Variants in DOP1B observed in about 807,000 individuals in gnomAD.
DOP1B encodes DOP1 leucine zipper like protein B.
DOP1B carries 174 observed loss-of-function variants against 233.5 expected under a neutral mutation model. The ratio of observed to expected loss-of-function variants is 0.75; its 90% CI spans 0.66 to 0.85. DOP1B has a LOEUF of 0.85. DOP1B is among the 40% of genes least tolerant of loss of function. The pLI, the probability that DOP1B is intolerant of heterozygous loss-of-function variation, is 0.00. For missense variants in DOP1B, 2,652 were observed against 2,846.6 expected (o/e 0.93, Z 1.56); for synonymous variants, 1,190 against 1,185.6 (o/e 1.00, Z -0.08).
At chr21:36,258,999 G>T (rs1403174654) in intron 23 of DOP1B, among the ~76,000 whole-genome samples, 1 of 128,728 alleles carries the variant, frequency 7.8e-6, no homozygotes. Flanking sequence ...TTTTTGAGAC[G>T]AAGTCTTGCT....
intron 10 of DOP1B, among the ~76,000 whole-genome samples, chr21:36,221,730 C>T (rs1301704732): frequency 2.0e-5 from 3 of 151,978 alleles, no homozygotes; most frequent in Non-Finnish European, 2.9e-5. Context: ...CACCTGCCAC[C>T]ACTCCTGGCT....
At position 36,173,978 on chromosome 21, in the gene DOP1B, C is replaced by T. The variant is rs113596566; in HGVS notation, c.138+9107C>T. Among the ~76,000 whole-genome samples the T allele has an allele frequency of 8.6e-3, 1,311 of 152,032 alleles. 13 individuals carry two copies. Among genetic ancestry groups the T allele is most frequent in the Non-Finnish European group, 0.014 (919 of 67,992 alleles). Reference sequence around the variant, plus strand: ...TACGGTTTCACAGAGCAGCCATGAACAGGAAGGGCAGCATGAGGTCTGTGG... The same window carrying T: ...TACGGTTTCACAGAGCAGCCATGAATAGGAAGGGCAGCATGAGGTCTGTGG... On this transcript the variant is annotated intron_variant, in intron 2 of 36. Transcript: ENST00000691173.
chr21:36,170,925 C>T (rs1454830287), intron 2 of DOP1B, among the ~76,000 whole-genome samples: 11 of 152,148 alleles, frequency 7.2e-5, no homozygotes. Flanking sequence ...GTTTAAGCAG[C>T]CACCTTGAAG....
chr21:36,218,368 T>C (rs1304967125), intron 9 of DOP1B, among the ~76,000 whole-genome samples: 2 of 151,794 alleles, frequency 1.3e-5, no homozygotes, highest in East Asian at 1.9e-4. Context: ...ACTAAAAATA[T>C]AAAAATTAGC....
At position 36,294,083 on chromosome 21, in the gene DOP1B, T is replaced by A. The variant is rs1311915235; in HGVS notation, c.*512T>A. The A allele has an allele frequency of 6.5e-6, 1 of 153,894 alleles. No individual in the cohort carries two copies. The highest frequency in any genetic ancestry group is 1.5e-5 in the Non-Finnish European group (1 of 68,882). 9.5% of individuals were successfully genotyped at this position (153,894 alleles called of 1,614,324 possible). A position where few individuals can be genotyped will look rare whatever the true frequency, so the allele number is the denominator to read the frequency against. On this transcript the variant is annotated 3_prime_UTR_variant, in exon 37 of 37. Coordinates refer to ENST00000691173, the MANE Select transcript of DOP1B (RefSeq NM_001320714.2). ...TTGAATCTGATTCTGCATTTCTTCC[T>A]CAATTTATGTAATGAAAATAAAATT...
intron 5 of DOP1B, 116 bp from the exon 6 acceptor site, chr21:36,211,437 G>T (rs1188107801): frequency 2.2e-6 from 2 of 904,018 alleles, no homozygotes; most frequent in African/African-American, 1.7e-5. Flanking sequence ...TGTGGCTGCT[G>T]GTTCTCTTCT....
In DOP1B at chr21:36,230,531, C is replaced by T. The variant is rs757851386; in HGVS notation, c.1747C>T (p.Pro583Ser). The change falls in exon 14 of 37, where the codon CCT (proline) becomes TCT (serine). Residue 583 changes from proline (P) to serine (S), a missense_variant. Physicochemically the swap from Pro to Ser is moderately conservative, Grantham distance 74. This residue lies in a region of DOP1B where 2,617 missense variants were observed against 2,794.3 expected (regional missense o/e 0.94). Coordinates refer to ENST00000691173, the MANE Select transcript of DOP1B (RefSeq NM_001320714.2). ...IPGDEDASFP[P>S]LKSEDSGIGL... ...CGGTGACGAAGATGCTTCGTTTCCC[C>T]CTCTGAAGTCTGAGGACAGTGGGAT... is the stretch of plus-strand genomic sequence containing the variant. 1.2e-6 allele frequency: 2 copies of T among 1,614,140 alleles called. No individual in the cohort carries two copies. The highest frequency in any genetic ancestry group is 1.7e-5 in the Admixed American group (1 of 60,014).
intron 10 of DOP1B, among the ~76,000 whole-genome samples, chr21:36,222,935 A>AT (rs2123522166): frequency 6.6e-6 from 1 of 152,146 alleles, no homozygotes; most frequent in Non-Finnish European, 1.5e-5. Flanking sequence ...GGGTTTCACC[A>AT]TGTTGGTCAA....
intron 9 of DOP1B, among the ~76,000 whole-genome samples, chr21:36,219,011 G>A (rs1165995929): frequency 6.6e-6 from 1 of 152,184 alleles, no homozygotes; most frequent in Non-Finnish European, 1.5e-5. Context: ...CCTCTATCTA[G>A]CAGAATCTGC....
intron 2 of DOP1B, among the ~76,000 whole-genome samples, chr21:36,176,103 T>TGTGTGCGTGTGC (rs1555886162): frequency 7.0e-6 from 1 of 141,920 alleles, no homozygotes; most frequent in African/African-American, 2.5e-5. Flanking sequence ...TGTGCGTGTG[T>TGTGTGCGTGTGC]GTGTGTGTGT....
chr21:36,230,604 C>A lies in DOP1B; in HGVS notation c.1820C>A (p.Pro607His). 1 of 1,614,214 alleles carries A rather than the reference C, an allele frequency of 6.2e-7. No homozygotes were observed. The highest frequency in any genetic ancestry group is 8.5e-7 in the Non-Finnish European group (1 of 1,180,040). ...GAGCTCTCTGAGCACTTGAGGGTTC[C>A]TCGAGTTTCTCTGGAAAGGGACGAC... The part of the protein sequence containing the change: ...SPELSEHLRV[P>H]RVSLERDDVW... The change falls in exon 14 of 37, where the codon CCT becomes CAT. Residue 607 changes from proline to histidine, a missense_variant. Physicochemically the swap from Pro to His is moderately conservative, Grantham distance 77. This residue lies in a region of DOP1B where 2,617 missense variants were observed against 2,794.3 expected (regional missense o/e 0.94). Transcript: ENST00000691173.
chr21:36,259,283 T>C (rs2123631321), intron 23 of DOP1B, among the ~76,000 whole-genome samples: 1 of 150,722 alleles, frequency 6.6e-6, no homozygotes, highest in South Asian at 2.1e-4. Flanking sequence ...TTTTTTCTTT[T>C]TTTTTGAGAT....
At chr21:36,208,976 G>A in intron 5 of DOP1B, 72 bp downstream of exon 5, 1 of 1,401,190 alleles carries the variant, frequency 7.1e-7, no homozygotes, top group South Asian at 1.6e-5. Context: ...TGGGCAGGTT[G>A]TCACTGAAGC....
intron 23 of DOP1B, among the ~76,000 whole-genome samples, chr21:36,257,334 T>C (rs938811168): frequency 1.3e-5 from 2 of 152,136 alleles, no homozygotes; most frequent in Non-Finnish European, 2.9e-5. Context: ...TGTCGAAGTG[T>C]GATTGGACAA....
chr21:36,212,037 A>C lies in DOP1B; in HGVS notation c.844A>C (p.Thr282Pro). The change falls in exon 7 of 37, where the codon ACC becomes CCC. Residue 282 changes from threonine (T) to proline (P), a missense_variant. Thr to Pro is a conservative substitution (Grantham distance 38, BLOSUM62 -1). Around this residue, in one of 3 missense-constraint regions of DOP1B, gnomAD observed 2,617 missense variants for 2,794.3 expected, o/e 0.94. Coordinates refer to ENST00000691173, the MANE Select transcript of DOP1B (RefSeq NM_001320714.2). ...CATCGTGCGCATTCTCTCAGCCGCC[A>C]CCCAGACCCTACTGAGAAGGGACAT... ...SDIVRILSAA[T>P]QTLLRRDMSL... The C allele has an allele frequency of 6.2e-7, 1 of 1,613,980 alleles. No individual in the cohort carries two copies. The highest frequency in any genetic ancestry group is 2.2e-5 in the East Asian group (1 of 44,874).
At chr21:36,218,590 CTCAG>C (rs2066587446) in intron 9 of DOP1B, among the ~76,000 whole-genome samples, 1 of 152,134 alleles carries the variant, frequency 6.6e-6, no homozygotes, top group Non-Finnish European at 1.5e-5. Flanking sequence ...AAATAATTCT[CTCAG>C]AGGCACATCT....
At position 36,227,253 on chromosome 21, in the gene DOP1B, G is replaced by A. The variant is rs1276194729; in HGVS notation, c.1474-433G>A. The stretch of plus-strand genomic sequence containing the variant: ...AAATAAAATAAAATAAAATAAAAAA[G>A]AAAATTAATGTGGGTCAGGCACGGT... On this transcript the variant is annotated intron_variant, in intron 12 of 36. Coordinates refer to ENST00000691173, the MANE Select transcript of DOP1B (RefSeq NM_001320714.2). Among the ~76,000 whole-genome samples the A allele has an allele frequency of 2.7e-5, 4 of 147,454 alleles. No homozygotes were observed. In the Admixed American group the frequency reaches 2.7e-4, roughly 10 times the overall value.
chr21:36,202,436 T>TA (rs2066379312), intron 4 of DOP1B, among the ~76,000 whole-genome samples: 1 of 152,160 alleles, frequency 6.6e-6, no homozygotes, highest in Non-Finnish European at 1.5e-5. Flanking sequence ...CTGGAGGCCC[T>TA]AGTCAGGTCA....
At chr21:36,170,785 G>A (rs1601378661) in intron 2 of DOP1B, among the ~76,000 whole-genome samples, 2 of 146,904 alleles carry the variant, frequency 1.4e-5, no homozygotes. Flanking sequence ...CTGAGTGACA[G>A]AACAAAACCC....
Sources: allele counts gnomAD v4.1 joint callset (sites outside exome capture counted in the v4.1 genomes callset), GRCh38; gene constraint gnomAD v4.1.1; regional missense constraint gnomAD v4.1.1; transcripts MANE v1.5; gene names NCBI Gene and HGNC (gene_info 2026-07-23, HGNC 2026-07-21).